Variants in SPNS2 observed in about 807,000 individuals in gnomAD.
The protein encoded by SPNS2 is sphingosine-1-phosphate transporter SPNS2.
SPNS2 carries 37 observed loss-of-function variants against 57.6 expected under a neutral mutation model. That is an observed-to-expected ratio of 0.64 (90% CI 0.49 to 0.85). The LOEUF (loss-of-function observed/expected upper bound fraction) is 0.85, where lower values mean the gene tolerates loss of function less well. SPNS2 is among the 40% of genes least tolerant of loss of function. The pLI, the probability that SPNS2 is intolerant of heterozygous loss-of-function variation, is 0.00. For synonymous variants in SPNS2, 440 were observed against 346.9 expected (o/e 1.27, Z -2.98); for missense variants, 831 against 779.1 (o/e 1.07, Z -0.79).
intron 3 of SPNS2, among the ~76,000 whole-genome samples, chr17:4,527,456 T>C (rs1905287951): frequency 2.0e-5 from 3 of 152,380 alleles, no homozygotes; most frequent in Admixed American, 2.0e-4. Context: ...GTTTGGCCTG[T>C]GTTTCAAACC....
intron 3 of SPNS2, among the ~76,000 whole-genome samples, chr17:4,529,368 C>T (rs891989259): frequency 6.6e-6 from 1 of 152,164 alleles, no homozygotes; most frequent in South Asian, 2.1e-4. Flanking sequence ...GCACGAGCCC[C>T]CATGCCCAGC....
At chr17:4,507,941 G>C (rs1354784967) in intron 1 of SPNS2, among the ~76,000 whole-genome samples, 1 of 152,206 alleles carries the variant, frequency 6.6e-6, no homozygotes, top group Non-Finnish European at 1.5e-5. Context: ...TCAGCAGATT[G>C]GGCCTGGCTG....
chr17:4,531,911 C>A (rs997884945), intron 5 of SPNS2, among the ~76,000 whole-genome samples: 3 of 152,154 alleles, frequency 2.0e-5, no homozygotes, highest in Non-Finnish European at 4.4e-5. Flanking sequence ...TCGGGAGCCT[C>A]TGTGGGGCCT....
At chr17:4,532,856 C>T (rs1192608262) in intron 6 of SPNS2, 121 bp from the exon 7 acceptor site, 1 of 1,477,266 alleles carries the variant, frequency 6.8e-7, no homozygotes. Flanking sequence ...AGCCTGAACC[C>T]TCACCCCTGG....
chr17:4,515,614 G>T (rs62064923), intron 2 of SPNS2, among the ~76,000 whole-genome samples: 32 of 152,246 alleles, frequency 2.1e-4, no homozygotes, highest in Non-Finnish European at 4.1e-4. Context: ...GAAGCCAGTC[G>T]AGTAGACCAT....
chr17:4,508,395 G>A (rs982240325), intron 1 of SPNS2, among the ~76,000 whole-genome samples: 3 of 152,218 alleles, frequency 2.0e-5, no homozygotes, highest in African/African-American at 7.2e-5. Flanking sequence ...GATTTGGGGA[G>A]GGCCCCAGGA....
At chr17:4,536,491 G>GT in intron 11 of SPNS2, 65 bp downstream of exon 11, 1 of 1,543,826 alleles carries the variant, frequency 6.5e-7, no homozygotes, top group African/African-American at 1.3e-5. Flanking sequence ...TAGCCACCGT[G>GT]AGCCCTGCCC....
In SPNS2 at chr17:4,499,981, G is replaced by T. The variant is rs1199950047; in HGVS notation, c.370+564G>T. On this transcript the variant is annotated intron_variant, in intron 1 of 12. Coordinates refer to ENST00000329078, the MANE Select transcript of SPNS2 (RefSeq NM_001124758.3). The surrounding 1 kb of genome is among the most constrained non-coding windows in gnomAD (Gnocchi z 5.2). ...GTGTGTGAGCGCGTGGCTGACAAAG[G>T]CTCCGGGCTGCGGGGAGCGGAGGGA... Among the ~76,000 whole-genome samples, 1 of 152,180 alleles carries T rather than the reference G, an allele frequency of 6.6e-6. No homozygotes were observed. The highest frequency in any genetic ancestry group is 2.4e-5 in the African/African-American group (1 of 41,450).
In SPNS2 at chr17:4,538,857, G is replaced by A. The variant is rs573464813; in HGVS notation, c.*1409G>A. 2.9e-4 allele frequency: 227 copies of A among 780,210 alleles called. No homozygotes were observed. The highest frequency in any genetic ancestry group is 2.2e-3 in the African/African-American group (130 of 59,196). 48.3% of individuals were successfully genotyped at this position (780,210 alleles called of 1,614,324 possible). On this transcript the variant is annotated 3_prime_UTR_variant, in exon 13 of 13. Coordinates refer to ENST00000329078, the MANE Select transcript of SPNS2 (RefSeq NM_001124758.3). ...CCTCCACCCCCACTCCAGCCTCAGC[G>A]GGGCCCCAGCGATGTTTTCTTGTTG...
Position 4,533,120 on chromosome 17 carries a change from C to T in SPNS2, c.1079C>T (p.Ala360Val). 6.2e-7 allele frequency: 1 copy of T among 1,609,940 alleles called. No individual in the cohort carries two copies. Among genetic ancestry groups the T allele is most frequent in the South Asian group, 1.1e-5 (1 of 90,716 alleles). The change falls in exon 7 of 13, where the codon GCC (alanine) becomes GTC (valine). Residue 360 changes from alanine (A) to valine (V), a missense_variant. Physicochemically the swap from Ala to Val is moderately conservative, Grantham distance 64. Around this residue, in one of 2 missense-constraint regions of SPNS2, gnomAD observed 526 missense variants for 400.9 expected, o/e 1.31. Coordinates refer to ENST00000329078, the MANE Select transcript of SPNS2 (RefSeq NM_001124758.3). ...AETCNSPPCG[A>V]KDSLIFGAIT... ...ACGTGCAACAGCCCGCCCTGTGGGG[C>T]CAAGGACAGGTGGGGCCCCGCGGGG...
chr17:4,529,771 G>C (rs1905381156), intron 3 of SPNS2, among the ~76,000 whole-genome samples: 1 of 152,196 alleles, frequency 6.6e-6, no homozygotes, highest in South Asian at 2.1e-4. Flanking sequence ...AAGAGAAACA[G>C]AGGCGAGGAG....
chr17:4,524,725 G>T (rs1315816512), intron 2 of SPNS2, among the ~76,000 whole-genome samples: 1 of 152,200 alleles, frequency 6.6e-6, no homozygotes, highest in Non-Finnish European at 1.5e-5. Flanking sequence ...TGTGAGATAT[G>T]ACATGGTGAG....
intron 6 of SPNS2, 73 bp downstream of exon 6, chr17:4,532,757 C>T (rs944126787): frequency 3.4e-5 from 53 of 1,551,728 alleles, no homozygotes; most frequent in Middle Eastern, 2.0e-4. Context: ...CCCTGCAGGG[C>T]AGCCCACTAG....
At chr17:4,527,009 A>G (rs1418964367) in intron 3 of SPNS2, among the ~76,000 whole-genome samples, 1 of 152,168 alleles carries the variant, frequency 6.6e-6, no homozygotes, top group Non-Finnish European at 1.5e-5. Flanking sequence ...CCAACCTCTG[A>G]GGCTGCTCCT....
At position 4,530,642 on chromosome 17, in the gene SPNS2, T is replaced by A. The variant is rs768120240; in HGVS notation, c.584T>A (p.Leu195Gln). ...CACCCCTCCTCACAGTACTTCTGGC[T>A]GCTGGTCCTGTCCCGGGGGCTGGTG... ...SSFIPQQYFW[L>Q]LVLSRGLVGI... Residue 195 changes from leucine (L) to glutamine (Q), a missense_variant, in exon 4 of 13, where the codon CTG (leucine) becomes CAG (glutamine). Physicochemically the swap from Leu to Gln is moderately radical, Grantham distance 113 (BLOSUM62 -2). This residue lies in a region of SPNS2 where 305 missense variants were observed against 378.3 expected (regional missense o/e 0.81). Transcript: ENST00000329078. 6.2e-7 allele frequency: 1 copy of A among 1,612,280 alleles called. No homozygotes were observed. The highest frequency in any genetic ancestry group is 8.5e-7 in the Non-Finnish European group (1 of 1,179,358).
At chr17:4,533,988 G>A (rs914393535) in intron 9 of SPNS2, 135 bp downstream of exon 9, 29 of 838,594 alleles carry the variant, frequency 3.5e-5, no homozygotes, top group Non-Finnish European at 4.8e-5. Context: ...TGAACCCAGA[G>A]GCAGGGAGGG....
At chr17:4,502,286 A>G (rs1217958712) in intron 1 of SPNS2, among the ~76,000 whole-genome samples, 2 of 151,962 alleles carry the variant, frequency 1.3e-5, no homozygotes, top group East Asian at 3.9e-4. Context: ...AGGCTGAGGC[A>G]GGATAATCGC....
chr17:4,519,603 C>CGGCACACGTG (rs1905087630), intron 2 of SPNS2, among the ~76,000 whole-genome samples: 1 of 152,054 alleles, frequency 6.6e-6, no homozygotes, highest in Non-Finnish European at 1.5e-5. Context: ...CCTGTGGGCT[C>CGGCACACGTG]AGCACACCCT....
Position 4,536,123 on chromosome 17 carries a change from C to T in SPNS2, c.1392C>T (p.Ser464=), listed in dbSNP as rs367865725. 4.0e-5 allele frequency: 65 copies of T among 1,612,562 alleles called. 1 individual carries two copies. In the African/African-American group the frequency reaches 7.5e-4, roughly 19 times the overall value. ...GCGCCACTGCCGTGGCCTTGCAGAG[C>T]TTCACCTCCCACCTGCTGGGGGACG... ...TRRATAVALQ[S]FTSHLLGDAG... is the part of the protein sequence containing the mutation. Residue 464 remains serine (S), a synonymous_variant, in exon 10 of 13, where the codon AGC becomes AGT. Coordinates refer to ENST00000329078, the MANE Select transcript of SPNS2 (RefSeq NM_001124758.3).
Sources: allele counts gnomAD v4.1 joint callset (sites outside exome capture counted in the v4.1 genomes callset), GRCh38; gene constraint gnomAD v4.1.1; regional missense constraint gnomAD v4.1.1; non-coding constraint Gnocchi (gnomAD v3.1); transcripts MANE v1.5; gene names NCBI Gene and HGNC (gene_info 2026-07-23, HGNC 2026-07-21).